PCDHA7: variants seen among roughly 807,000 people sequenced by gnomAD.
PCDHA7 encodes the protein protocadherin alpha 7.
Under a neutral mutation model 57.2 loss-of-function variants are expected in PCDHA7, and 37 were observed. That is an observed-to-expected ratio of 0.65 (90% confidence interval 0.50 to 0.85). The LOEUF (loss-of-function observed/expected upper bound fraction) is 0.85. Ranked by LOEUF, PCDHA7 falls within the 40% of genes least tolerant of loss-of-function variation. The probability of loss-of-function intolerance (pLI) is 0.00; values close to 1 mark genes in which losing one functional copy is unlikely to be tolerated. For synonymous variants in PCDHA7, 553 were observed against 558.8 expected (o/e 0.99, Z 0.15); for missense variants, 1,188 against 1,241.8 (o/e 0.96, Z 0.65).
chr5:140,868,252 T>C (rs1186054905), intron 1 of PCDHA7: 1 of 152,134 alleles, frequency 6.6e-6, no homozygotes. Context: ...AGACTTTTCC[T>C]TTGTGGATTC....
intron 3 of PCDHA7, among the ~76,000 whole-genome samples, chr5:141,009,180 T>C (rs1272195338): frequency 6.6e-6 from 1 of 152,170 alleles, no homozygotes; most frequent in Non-Finnish European, 1.5e-5. Context: ...CTTGGCTGGG[T>C]GTGGTAGCTC....
Position 140,857,895 on chromosome 5 carries a change from G to C in PCDHA7, c.2355+21157G>C. 1.3e-6 allele frequency: 2 copies of C among 1,597,868 alleles called. 1 individual carries two copies. The highest frequency in any genetic ancestry group is 2.2e-5 in the South Asian group (2 of 90,498). ...TATGAATTGCAGTCGGCGGCGGTTG[G>C]TGCACGCATCCCGTTTCGCGTGGGG... On this transcript the variant is annotated intron_variant, in intron 1 of 3. Coordinates refer to ENST00000525929, the MANE Select transcript of PCDHA7 (RefSeq NM_018910.3).
intron 1 of PCDHA7, among the ~76,000 whole-genome samples, chr5:140,952,315 G>T (rs2094717881): frequency 6.8e-6 from 1 of 147,138 alleles, no homozygotes; most frequent in Non-Finnish European, 1.5e-5. Context: ...TCCAGCCTGG[G>T]CAACAAGAGT....
chr5:140,906,534 A>G (rs7704223), intron 1 of PCDHA7, among the ~76,000 whole-genome samples: 49,309 of 152,142 alleles, frequency 0.32, 8,308 homozygotes, highest in East Asian at 0.53. Flanking sequence ...GACAATTAAA[A>G]TCCTCATTTC....
rs142471747 is a variant in PCDHA7 at position 140,940,002 on chromosome 5, C to T, written c.2356-38947C>T. On this transcript the variant is annotated intron_variant, in intron 1 of 3. Transcript: ENST00000525929. ...TGAATTGTTTCTCCTTGGATTTTGT[C>T]AATTTTTTGTGTCATATGTTTTAAG... Among the ~76,000 whole-genome samples the T allele has an allele frequency of 5.4e-3, 828 of 152,138 alleles. 3 individuals carry two copies. The highest frequency in any genetic ancestry group is 0.019 in the African/African-American group (797 of 41,516).
chr5:140,949,161 C>T (rs2094347975), intron 1 of PCDHA7, among the ~76,000 whole-genome samples: 1 of 151,598 alleles, frequency 6.6e-6, no homozygotes, highest in Admixed American at 6.6e-5. Context: ...TAATCTAATT[C>T]TCTTTTGGTC....
chr5:140,998,321 G>A lies in PCDHA7; in HGVS notation c.2504-11306G>A, dbSNP rs79793895. On this transcript the variant is annotated intron_variant, in intron 3 of 3. Coordinates refer to ENST00000525929, the MANE Select transcript of PCDHA7 (RefSeq NM_018910.3). ...TTTAGTAAGGGCACCAGGATCTGAA[G>A]CAGGATTGTTTGACTTCTGAGTCTG... is the stretch of plus-strand genomic sequence containing the variant. 9.8e-3 allele frequency among the ~76,000 whole-genome samples: 1,493 copies of A among 152,278 alleles called. 32 individuals carry two copies. The highest frequency in any genetic ancestry group is 0.034 in the African/African-American group (1,408 of 41,548).
intron 1 of PCDHA7, chr5:140,856,833 G>T (rs1554149194): frequency 1.9e-6 from 3 of 1,591,548 alleles, no homozygotes; most frequent in Admixed American, 1.7e-5. Flanking sequence ...TTAGTAATAC[G>T]GCTCAACGCT....
chr5:140,963,766 A>G (rs574963836), intron 1 of PCDHA7, among the ~76,000 whole-genome samples: 1 of 152,372 alleles, frequency 6.6e-6, no homozygotes, highest in South Asian at 2.1e-4. Flanking sequence ...GTTGTATTTC[A>G]TGACGACAGC....
At chr5:140,928,927 G>T (rs1359556123) in intron 1 of PCDHA7, 1 of 1,613,982 alleles carries the variant, frequency 6.2e-7, no homozygotes, top group Non-Finnish European at 8.5e-7. Context: ...GCAGCTTTCT[G>T]CCCAGAACTT....
At chr5:140,888,213 T>A (rs1460298215) in intron 1 of PCDHA7, among the ~76,000 whole-genome samples, 1 of 152,170 alleles carries the variant, frequency 6.6e-6, no homozygotes, top group East Asian at 1.9e-4. Context: ...CTGGATTTTG[T>A]GTGTGTGTGC....
At chr5:140,889,835 C>A (rs899287696) in intron 1 of PCDHA7, among the ~76,000 whole-genome samples, 10 of 152,080 alleles carry the variant, frequency 6.6e-5, no homozygotes, top group African/African-American at 2.2e-4. Context: ...TTACAGTATG[C>A]TTTGGTCTCT....
At chr5:140,949,682 A>T (rs1229666281) in intron 1 of PCDHA7, among the ~76,000 whole-genome samples, 3 of 151,768 alleles carry the variant, frequency 2.0e-5, no homozygotes, top group Non-Finnish European at 4.4e-5. Context: ...CCCTTGTTGA[A>T]GCGTATTGTT....
chr5:140,870,218 G>A, intron 1 of PCDHA7: 1 of 1,614,172 alleles, frequency 6.2e-7, no homozygotes, highest in Non-Finnish European at 8.5e-7. Context: ...GCCCTGATCA[G>A]CGTGTCTGAC....
intron 1 of PCDHA7, chr5:140,870,461 C>A (rs1554164294): frequency 6.8e-6 from 11 of 1,614,128 alleles, no homozygotes; most frequent in Non-Finnish European, 9.3e-6. Context: ...AATGCGCCTG[C>A]GTTCGCACAG....
At position 140,849,164 on chromosome 5, in the gene PCDHA7, T is replaced by G. The variant is rs2150431781; in HGVS notation, c.2355+12426T>G. 3.3e-5 allele frequency: 39 copies of G among 1,167,302 alleles called. 1 individual carries two copies. The highest frequency in any genetic ancestry group is 4.4e-5 in the Non-Finnish European group (37 of 840,698). The allele number at this position is 1,167,302 out of a possible 1,614,324, so 72.3% of individuals were successfully genotyped here. On this transcript the variant is annotated intron_variant, in intron 1 of 3. Coordinates refer to ENST00000525929, the MANE Select transcript of PCDHA7 (RefSeq NM_018910.3). The stretch of plus-strand genomic sequence containing the variant: ...CCGATGGAGGCAAACCCGAGCTGAC[T>G]GGCACCGTTCAATTACTCATCACGG...
chr5:140,884,521 G>C (rs569278761), intron 1 of PCDHA7: 1 of 1,614,196 alleles, frequency 6.2e-7, no homozygotes, highest in African/African-American at 1.3e-5. Context: ...GGTCGTACTC[G>C]CAGCAGAGGC....
chr5:140,953,576 C>T (rs1466296429), intron 1 of PCDHA7, among the ~76,000 whole-genome samples: 1 of 152,090 alleles, frequency 6.6e-6, no homozygotes, highest in Non-Finnish European at 1.5e-5. Flanking sequence ...CCTCCTCTCC[C>T]AAAACTGCCT....
intron 1 of PCDHA7, chr5:140,967,039 G>GCTGGAC (rs1192512561): frequency 1.2e-6 from 2 of 1,611,626 alleles, no homozygotes; most frequent in Non-Finnish European, 1.7e-6. Flanking sequence ...GCTACCTGGA[G>GCTGGAC]CTGGACCTGA....
Sources: allele counts gnomAD v4.1 joint callset (sites outside exome capture counted in the v4.1 genomes callset), GRCh38; gene constraint gnomAD v4.1.1; transcripts MANE v1.5; gene names NCBI Gene and HGNC (gene_info 2026-07-23, HGNC 2026-07-21).